CDH3: variants seen among roughly 807,000 people sequenced by gnomAD.
The protein encoded by CDH3 is cadherin 3, also known as cadherin-3.
A neutral mutation model predicts 82.0 loss-of-function variants in CDH3; 54 were observed. The ratio of observed to expected loss-of-function variants is 0.66; its 90% confidence interval spans 0.53 to 0.83. The LOEUF is 0.83. Ranked by LOEUF, CDH3 falls within the 40% of genes least tolerant of loss-of-function variation. The pLI is 0.00. For missense variants in CDH3, 1,054 were observed against 1,084.6 expected, an observed-to-expected ratio of 0.97 and a Z score of 0.40; for synonymous variants, 446 against 437.9, an observed-to-expected ratio of 1.02 and a Z score of -0.23.
rs1283739900 is a variant in CDH3 at position 68,680,985 on chromosome 16, ACT to A, written c.886_887del (p.Leu296AspfsTer24). ...CTCCCCAGAAAGTCCCTGAGTACAC[ACT>A]GACCATCCAGGCCACAGACATGGAT... The part of the protein sequence containing the change: ...LDREKVPEYT[L>X]TIQATDMDGD... On this transcript the variant is annotated frameshift_variant, in exon 8 of 16. Transcript: ENST00000264012. LOFTEE classifies it high-confidence loss of function. 1 of 1,614,028 alleles carries A rather than the reference ACT, an allele frequency of 6.2e-7. No individual in the cohort carries two copies. Among genetic ancestry groups the A allele is most frequent in the Admixed American group, 1.7e-5 (1 of 60,002 alleles).
chr16:68,661,957 C>T (rs1960592405), intron 2 of CDH3, among the ~76,000 whole-genome samples: 1 of 152,262 alleles, frequency 6.6e-6, no homozygotes, highest in Non-Finnish European at 1.5e-5. Context: ...TCCCAAAGTG[C>T]TGGGATTACA....
intron 2 of CDH3, among the ~76,000 whole-genome samples, chr16:68,663,922 C>T (rs1461292282): frequency 6.6e-6 from 1 of 150,840 alleles, no homozygotes; most frequent in Non-Finnish European, 1.5e-5. Flanking sequence ...CCCATTAACT[C>T]GTCATTTAGC....
chr16:68,674,438 A>T (rs904222251), intron 2 of CDH3, among the ~76,000 whole-genome samples: 1 of 151,978 alleles, frequency 6.6e-6, no homozygotes, highest in Admixed American at 6.6e-5. Context: ...ATCGTTTAGG[A>T]TTCTTCTTTT....
At position 68,698,215 on chromosome 16, in the gene CDH3, C is replaced by G. The variant is rs775268226; in HGVS notation, c.2305C>G (p.Pro769Ala). The change falls in exon 16 of 16, where the codon CCC becomes GCC. Residue 769 changes from proline to alanine, a missense_variant. Transcript: ENST00000264012. ...IENLKAANTD[P>A]TAPPYDTLLV... ...GAACCTGAAGGCGGCTAACACAGAC[C>G]CCACAGCCCCGCCCTACGACACCCT... The G allele has an allele frequency of 6.2e-7, 1 of 1,614,212 alleles. No homozygotes were observed. The highest frequency in any genetic ancestry group is 1.7e-5 in the Admixed American group (1 of 60,026).
At chr16:68,726,036 C>A (rs1379452746) in intron 2 of CDH3, among the ~76,000 whole-genome samples, 1 of 151,792 alleles carries the variant, frequency 6.6e-6, no homozygotes, top group Non-Finnish European at 1.5e-5. Flanking sequence ...TCCAGCCTGA[C>A]CTTGTCTCAA....
intron 2 of CDH3, among the ~76,000 whole-genome samples, chr16:68,647,587 C>T (rs907075297): frequency 2.0e-5 from 3 of 152,140 alleles, no homozygotes; most frequent in African/African-American, 4.8e-5. Context: ...ATGCGCTCGG[C>T]GCACCTTGAA....
Position 68,694,341 on chromosome 16 carries a change from G to A in CDH3, c.2003-914G>A, listed in dbSNP as rs1293344800. On this transcript the variant is annotated intron_variant, in intron 13 of 15. Transcript: ENST00000264012. ...AAAAAAAAAAAAAAAAAAAATTCCG[G>A]CCAGGCGCAATGGCTCACACCTGTA... is the stretch of plus-strand genomic sequence containing the variant. Among the ~76,000 whole-genome samples the A allele has an allele frequency of 3.4e-5, 5 of 147,448 alleles. No individual in the cohort carries two copies. The Admixed American group carries it at 3.4e-4, about 10-fold the overall frequency.
chr16:68,653,250 T>A (rs533212985), intron 2 of CDH3, among the ~76,000 whole-genome samples: 3 of 150,820 alleles, frequency 2.0e-5, no homozygotes, highest in African/African-American at 7.3e-5. Flanking sequence ...TATTTTATTT[T>A]ATTTTTGAGA....
At chr16:68,701,214 C>T (rs1256511970), downstream of CDH3, among the ~76,000 whole-genome samples, 1 of 152,048 alleles carries the variant, frequency 6.6e-6, no homozygotes, top group Non-Finnish European at 1.5e-5. Context: ...GATGTAGAGT[C>T]CCCTGGCAAT....
At chr16:68,657,478 C>T (rs1460663905) in intron 2 of CDH3, among the ~76,000 whole-genome samples, 5 of 152,212 alleles carry the variant, frequency 3.3e-5, no homozygotes, top group Admixed American at 2.6e-4. Context: ...CGCACCACTG[C>T]ACTCCAGCCT....
intron 2 of CDH3, 155 bp downstream of exon 2, chr16:68,645,905 G>A: frequency 1.6e-6 from 1 of 625,226 alleles, no homozygotes; most frequent in Non-Finnish European, 2.8e-6. Flanking sequence ...GGGATTGGGG[G>A]TGGTGGCTGA....
chr16:68,649,251 C>T (rs907792359), intron 2 of CDH3, among the ~76,000 whole-genome samples: 1 of 152,162 alleles, frequency 6.6e-6, no homozygotes, highest in African/African-American at 2.4e-5. Flanking sequence ...CACAGTCAGC[C>T]TTTGGGTCAG....
chr16:68,657,726 C>T (rs1960443781), intron 2 of CDH3, among the ~76,000 whole-genome samples: 1 of 152,154 alleles, frequency 6.6e-6, no homozygotes, highest in Non-Finnish European at 1.5e-5. Flanking sequence ...GACTCTGAGG[C>T]ATCTTAGGGC....
intron 2 of CDH3, among the ~76,000 whole-genome samples, chr16:68,647,828 C>T (rs1434641094): frequency 2.6e-5 from 4 of 152,050 alleles, no homozygotes; most frequent in African/African-American, 4.8e-5. Context: ...GATCCAGCCA[C>T]GTTGAAAGGG....
rs1321096304 is a variant in CDH3 at position 68,695,741 on chromosome 16, G to A, written c.2134-36G>A. 5 of 1,612,852 alleles carry A rather than the reference G, an allele frequency of 3.1e-6. No individual in the cohort carries two copies. In the African/African-American group the frequency reaches 6.7e-5, roughly 22 times the overall value. The stretch of plus-strand genomic sequence containing the variant: ...AGTGGCAGGGGAGTGGGGGACAGGA[G>A]TCCTCAGTCACCTGCTCTCCTGCAT... On this transcript the variant is annotated intron_variant, in intron 14 of 15. Transcript: ENST00000264012.
intron 15 of CDH3, chr16:68,696,175 C>G: frequency 2.1e-6 from 1 of 487,542 alleles, no homozygotes; most frequent in Non-Finnish European, 3.8e-6. Context: ...AATCTGAGCA[C>G]TTTGGGAGGC....
At chr16:68,651,553 C>T in intron 2 of CDH3, 1 of 499,924 alleles carries the variant, frequency 2.0e-6, no homozygotes, top group Non-Finnish European at 4.0e-6. Flanking sequence ...CTCTGCAGCC[C>T]CTTAGTCTTG....
intron 2 of CDH3, among the ~76,000 whole-genome samples, chr16:68,722,992 C>A (rs1350331342): frequency 6.6e-6 from 1 of 151,382 alleles, no homozygotes; most frequent in African/African-American, 2.4e-5. Context: ...CACGGTTTCA[C>A]CACGTTGGCC....
chr16:68,688,737 C>T (rs1263425047), intron 12 of CDH3, among the ~76,000 whole-genome samples: 1 of 152,094 alleles, frequency 6.6e-6, no homozygotes. Context: ...AGCAATTATC[C>T]CTGCCTGAGT....
Sources: allele counts gnomAD v4.1 joint callset (sites outside exome capture counted in the v4.1 genomes callset), GRCh38; gene constraint gnomAD v4.1.1; transcripts MANE v1.5; gene names NCBI Gene and HGNC (gene_info 2026-07-23, HGNC 2026-07-21).